The following DEPDC5 variants were observed in gnomAD, a reference collection of about 807,000 sequenced individuals.
The protein encoded by DEPDC5 is DEP domain containing 5, GATOR1 subcomplex subunit.
Under a neutral mutation model 217.3 loss-of-function variants are expected in DEPDC5, and 73 were observed. That is an observed-to-expected ratio of 0.34 (90% confidence interval 0.28 to 0.41). The LOEUF is 0.41. Ranked by LOEUF, DEPDC5 falls within the 10% of genes least tolerant of loss-of-function variation. DEPDC5 has a pLI of 1.00. For synonymous variants in DEPDC5, 733 were observed against 756.7 expected (o/e 0.97, Z 0.51); for missense variants, 1,675 against 2,070.1 (o/e 0.81, Z 3.70).
chr22:31,898,056 A>G (rs1281727364), intron 40 of DEPDC5, among the ~76,000 whole-genome samples: 2 of 152,140 alleles, frequency 1.3e-5, no homozygotes, highest in Non-Finnish European at 1.5e-5. Flanking sequence ...TATTTCGTGC[A>G]AAAAGGCCAG....
chr22:31,819,268 T>G, intron 22 of DEPDC5, 43 bp downstream of exon 22: 4 of 1,598,134 alleles, frequency 2.5e-6, no homozygotes, highest in Non-Finnish European at 3.4e-6. Context: ...TAGGAGCTCC[T>G]AGCCCTGGTC....
intron 30 of DEPDC5, among the ~76,000 whole-genome samples, chr22:31,845,886 G>A (rs1297076563): frequency 1.4e-5 from 2 of 147,650 alleles, no homozygotes; most frequent in East Asian, 3.9e-4. Context: ...TTCGAGACAA[G>A]GTCTCACTTT....
chr22:31,836,915 C>G (rs1023576038), intron 25 of DEPDC5, 57 bp from the exon 26 acceptor site: 10 of 1,507,374 alleles, frequency 6.6e-6, no homozygotes, highest in South Asian at 6.0e-5. Context: ...CCTGGCCCCC[C>G]ATCCCACACT....
At chr22:31,794,136 T>C (rs1314785935) in intron 12 of DEPDC5, among the ~76,000 whole-genome samples, 1 of 152,200 alleles carries the variant, frequency 6.6e-6, no homozygotes, top group Non-Finnish European at 1.5e-5. Flanking sequence ...GTCGATGCTT[T>C]TTGACCACTG....
In DEPDC5 at chr22:31,895,771, G is replaced by T. The variant is rs537686306; in HGVS notation, c.4204-1711G>T. Among the ~76,000 whole-genome samples the T allele has an allele frequency of 4.6e-5, 7 of 151,504 alleles. No homozygotes were observed. The East Asian group carries it at 1.4e-3, about 29-fold the overall frequency. ...GTATCCTGGGAAAGCAATTTTTCCA[G>T]GTCTCTGTCTGCCTCCACATGGCAT... On this transcript the variant is annotated intron_variant, in intron 39 of 42. Coordinates refer to ENST00000651528, the MANE Select transcript of DEPDC5 (RefSeq NM_001242896.3).
chr22:31,793,912 T>C (rs1296449819), intron 12 of DEPDC5, among the ~76,000 whole-genome samples: 1 of 152,116 alleles, frequency 6.6e-6, no homozygotes, highest in Non-Finnish European at 1.5e-5. Flanking sequence ...TAGTAATAGT[T>C]ACTGTTTTTA....
chr22:31,863,359 G>T (rs1459418800), intron 33 of DEPDC5, among the ~76,000 whole-genome samples: 1 of 152,166 alleles, frequency 6.6e-6, no homozygotes, highest in Non-Finnish European at 1.5e-5. Flanking sequence ...TAGAGAAGGG[G>T]TTTCGCCATG....
chr22:31,807,906 T>G (rs914088610), intron 18 of DEPDC5, among the ~76,000 whole-genome samples: 3 of 152,090 alleles, frequency 2.0e-5, no homozygotes, highest in Non-Finnish European at 4.4e-5. Flanking sequence ...TTTCTTTTTT[T>G]AGGGGGGAGG....
intron 26 of DEPDC5, 86 bp downstream of exon 26, chr22:31,837,241 C>G: frequency 9.9e-6 from 14 of 1,416,726 alleles, no homozygotes; most frequent in Non-Finnish European, 1.4e-5. Context: ...TGGATTTGTG[C>G]TGGCTTCAGC....
chr22:31,838,208 T>G (rs1191797251), intron 26 of DEPDC5, among the ~76,000 whole-genome samples: 1 of 152,216 alleles, frequency 6.6e-6, no homozygotes, highest in Non-Finnish European at 1.5e-5. Context: ...GTTACCTGCC[T>G]CTTTTCACCT....
At chr22:31,887,419 C>CAAAAAAAAAAA (rs567430576) in intron 38 of DEPDC5, among the ~76,000 whole-genome samples, 82 of 65,498 alleles carry the variant, frequency 1.3e-3, no homozygotes, top group Non-Finnish European at 1.7e-3. Context: ...AACTCTGTCT[C>CAAAAAAAAAAA]AAAAAAAAAA....
chr22:31,844,928 TCA>T, intron 29 of DEPDC5, 88 bp from the exon 30 acceptor site: 2 of 1,374,532 alleles, frequency 1.5e-6, no homozygotes, highest in Non-Finnish European at 2.1e-6. Context: ...AGATGGACCT[TCA>T]CACACCAACT....
intron 27 of DEPDC5, among the ~76,000 whole-genome samples, chr22:31,842,624 A>G (rs2091467486): frequency 6.6e-6 from 1 of 152,116 alleles, no homozygotes. Flanking sequence ...TTTGCAGCAA[A>G]TCAATAAATG....
At chr22:31,766,466 G>A in intron 5 of DEPDC5, 119 bp from the exon 6 acceptor site, 2 of 881,200 alleles carry the variant, frequency 2.3e-6, no homozygotes, top group Non-Finnish European at 3.7e-6. Context: ...GCTACTGAAT[G>A]GTCTTCCAGT....
intron 31 of DEPDC5, among the ~76,000 whole-genome samples, chr22:31,855,367 C>A (rs867605404): frequency 2.3e-4 from 34 of 150,278 alleles, no homozygotes; most frequent in African/African-American, 7.8e-4. Flanking sequence ...GTGAGTTTTG[C>A]TTCAAAATAT....
intron 38 of DEPDC5, among the ~76,000 whole-genome samples, chr22:31,890,657 C>T (rs1411257510): frequency 2.0e-5 from 3 of 151,428 alleles, no homozygotes; most frequent in East Asian, 2.0e-4. Flanking sequence ...TGCAGTGAGC[C>T]GAGATCACGC....
intron 8 of DEPDC5, among the ~76,000 whole-genome samples, chr22:31,781,524 C>T (rs998753364): frequency 2.6e-5 from 4 of 152,152 alleles, no homozygotes; most frequent in South Asian, 2.1e-4. Context: ...CCTCCGCCCC[C>T]GGGGTTCAAG....
intron 18 of DEPDC5, among the ~76,000 whole-genome samples, chr22:31,808,545 C>T (rs1568970365): frequency 6.6e-6 from 1 of 152,184 alleles, no homozygotes; most frequent in Non-Finnish European, 1.5e-5. Flanking sequence ...CGTGATTCTC[C>T]TGCCTCAGCC....
chr22:31,860,605 G>C (rs754970358), intron 32 of DEPDC5, among the ~76,000 whole-genome samples: 1 of 152,190 alleles, frequency 6.6e-6, no homozygotes, highest in African/African-American at 2.4e-5. Context: ...TTCCACAAGG[G>C]TAGGGTAGGG....
Sources: gnomAD v4.1 joint callset for allele counts (sites outside exome capture counted in the v4.1 genomes callset) on GRCh38, gnomAD v4.1.1 for gene constraint, MANE v1.5 for transcripts, NCBI Gene and HGNC (gene_info 2026-07-23, HGNC 2026-07-21) for gene names.